The following MLLT10 variants were observed in gnomAD, a reference collection of about 807,000 sequenced individuals.
MLLT10 encodes MLLT10 histone lysine methyltransferase DOT1L cofactor.
A neutral mutation model predicts 129.1 loss-of-function variants in MLLT10; 30 were observed. That is an observed-to-expected ratio of 0.23 (90% confidence interval 0.17 to 0.32). The LOEUF is 0.32. MLLT10 is among the 10% of genes least tolerant of loss of function. The pLI, the probability that MLLT10 is intolerant of heterozygous loss-of-function variation, is 1.00. For synonymous variants in MLLT10, 490 were observed against 446.4 expected, an observed-to-expected ratio of 1.10 and a Z score of -1.23; for missense variants, 1,119 against 1,268.3, an observed-to-expected ratio of 0.88 and a Z score of 1.79.
chr10:21,732,248 T>G (rs972008327), intron 17 of MLLT10, among the ~76,000 whole-genome samples: 2 of 152,096 alleles, frequency 1.3e-5, no homozygotes, highest in Non-Finnish European at 2.9e-5. Flanking sequence ...GAGGTCCAAG[T>G]TGTGGAAGGA....
At chr10:21,545,094 G>A (rs749980115) in intron 3 of MLLT10, among the ~76,000 whole-genome samples, 2 of 152,068 alleles carry the variant, frequency 1.3e-5, no homozygotes, top group African/African-American at 2.4e-5. Flanking sequence ...GTGGTGAGCC[G>A]AGATCGCGCT....
At chr10:21,598,826 A>C (rs1183490736) in intron 5 of MLLT10, among the ~76,000 whole-genome samples, 2 of 151,678 alleles carry the variant, frequency 1.3e-5, no homozygotes, top group South Asian at 2.1e-4. Flanking sequence ...GAGAGGGTGC[A>C]GTGAGCCAAG....
chr10:21,704,634 T>C (rs1159395364), intron 13 of MLLT10, among the ~76,000 whole-genome samples: 3 of 151,306 alleles, frequency 2.0e-5, no homozygotes, highest in Non-Finnish European at 4.4e-5. Context: ...TTTGGCTTTT[T>C]AATGTTTCCT....
In MLLT10 at chr10:21,534,266, A is replaced by C. The variant is rs1055275905; in HGVS notation, c.-255A>C. ...AAGTGACGCTCCGAGGAGGAAGCGC[A>C]GCCCCCTTCCCCTCCCTCGCTGCCC... On this transcript the variant is annotated 5_prime_UTR_variant, in exon 1 of 23. Transcript: ENST00000307729. 1.5e-5 allele frequency: 6 copies of C among 389,594 alleles called. No individual in the cohort carries two copies. The highest frequency in any genetic ancestry group is 1.4e-4 in the Admixed American group (3 of 21,072). The allele number at this position is 389,594 out of a possible 1,614,324, so 24.1% of individuals were successfully genotyped here.
At chr10:21,643,868 C>T (rs1726811364) in intron 8 of MLLT10, among the ~76,000 whole-genome samples, 1 of 152,082 alleles carries the variant, frequency 6.6e-6, no homozygotes, top group South Asian at 2.1e-4. Context: ...TTCAGGGATA[C>T]ACGTTATCTT....
chr10:21,643,827 C>G (rs553226750), intron 8 of MLLT10, among the ~76,000 whole-genome samples: 1 of 152,126 alleles, frequency 6.6e-6, no homozygotes, highest in South Asian at 2.1e-4. Flanking sequence ...TTTGAATATA[C>G]CTTCTGTTCC....
At chr10:21,583,109 G>T (rs2041640912) in intron 3 of MLLT10, among the ~76,000 whole-genome samples, 2 of 152,166 alleles carry the variant, frequency 1.3e-5, no homozygotes, top group Non-Finnish European at 2.9e-5. Flanking sequence ...GCTGGAGGTT[G>T]CAGTGAGCCG....
At position 21,595,726 on chromosome 10, in the gene MLLT10, C is replaced by T. The variant is rs187067517; in HGVS notation, c.405+286C>T. ...AGATTGGTGCTTTATGAATTACTGA[C>T]CTCTTTTGCGCTTTCAAGTATCAAG... is the stretch of plus-strand genomic sequence containing the variant. On this transcript the variant is annotated intron_variant, in intron 5 of 22. Transcript: ENST00000307729. 327 of 276,122 alleles carry T rather than the reference C, an allele frequency of 1.2e-3. 2 individuals are homozygous for T. In the East Asian group the frequency reaches 0.013, roughly 11 times the overall value. The allele number at this position is 276,122 out of a possible 1,614,324, so 17.1% of individuals were successfully genotyped here. A position where few individuals can be genotyped will look rare whatever the true frequency, so the allele number is the denominator to read the frequency against.
rs913465398 is a variant in MLLT10, at chr10:21,619,157, C to A, written c.699+1950C>A. Among the ~76,000 whole-genome samples the A allele has an allele frequency of 2.0e-4, 31 of 151,868 alleles. 1 individual carries two copies. The highest frequency in any genetic ancestry group is 7.0e-4 in the African/African-American group (29 of 41,320). ...GTTATAAAGTGACGGTAGTAGGAGC[C>A]TGTCTTGTTTATTGTTGATTAGATT... On this transcript the variant is annotated intron_variant, in intron 8 of 22. Transcript: ENST00000307729.
At chr10:21,709,823 A>T (rs1436086512) in intron 13 of MLLT10, among the ~76,000 whole-genome samples, 5 of 151,750 alleles carry the variant, frequency 3.3e-5, no homozygotes, top group Non-Finnish European at 5.9e-5. Flanking sequence ...GCTCAATCTC[A>T]ACCTCCCAGG....
rs529826847 is a variant in MLLT10 at position 21,670,478 on chromosome 10, A to T, written c.825A>T (p.Ile275=). Residue 275 remains isoleucine (I), a synonymous_variant, in exon 10 of 23, where the codon ATA becomes ATT. Transcript: ENST00000307729. ...KTYTSTSNNS[I]SGSLKRLEDT... is the part of the protein sequence containing the mutation. Reference sequence around the variant, plus strand: ...ATACAAGCACTAGCAACAACTCTATATCTGGATCATTGAAGCGCTTGGAAG... The same window carrying T: ...ATACAAGCACTAGCAACAACTCTATTTCTGGATCATTGAAGCGCTTGGAAG... The T allele has an allele frequency of 5.0e-6, 8 of 1,614,010 alleles. No individual in the cohort carries two copies. Among genetic ancestry groups the T allele is most frequent in the Non-Finnish European group, 6.8e-6 (8 of 1,179,946 alleles).
At chr10:21,556,423 T>C (rs1266841562) in intron 3 of MLLT10, among the ~76,000 whole-genome samples, 1 of 152,178 alleles carries the variant, frequency 6.6e-6, no homozygotes, top group African/African-American at 2.4e-5. Context: ...ACAAACCTGG[T>C]TACCAATATT....
At position 21,742,430 on chromosome 10, in the gene MLLT10, A is replaced by C. The variant is rs73594504; in HGVS notation, c.*447A>C. 1,774 of 220,034 alleles carry C rather than the reference A, an allele frequency of 8.1e-3. 31 individuals are homozygous for C. The highest frequency in any genetic ancestry group is 0.036 in the African/African-American group (1,597 of 44,750). 13.6% of individuals were successfully genotyped at this position (220,034 alleles called of 1,614,324 possible). A position where few individuals can be genotyped will look rare whatever the true frequency, so the allele number is the denominator to read the frequency against. ...GTTTGGGTTACAGTATGCTTGCTCT[A>C]AGTCAAATTCCAAGGAACTAATTTC... On this transcript the variant is annotated 3_prime_UTR_variant, in exon 23 of 23. Transcript: ENST00000307729.
chr10:21,655,436 C>T (rs1373729953), intron 9 of MLLT10, among the ~76,000 whole-genome samples: 2 of 152,110 alleles, frequency 1.3e-5, no homozygotes, highest in African/African-American at 2.4e-5. Flanking sequence ...GCGGATGTGG[C>T]AGTGTTCCAG....
intron 13 of MLLT10, among the ~76,000 whole-genome samples, chr10:21,694,363 G>C (rs989520942): frequency 1.3e-5 from 2 of 152,124 alleles, no homozygotes; most frequent in African/African-American, 4.8e-5. Context: ...GTTTTGGGGG[G>C]CAGGAATTTT....
chr10:21,656,185 G>T (rs1368179478), intron 9 of MLLT10, among the ~76,000 whole-genome samples: 1 of 152,012 alleles, frequency 6.6e-6, no homozygotes, highest in Non-Finnish European at 1.5e-5. Context: ...TTTGGGGAAC[G>T]GTGTCATTTT....
intron 10 of MLLT10, 49 bp from the exon 11 acceptor site, chr10:21,673,301 T>TGGGCC: frequency 5.5e-5 from 13 of 237,938 alleles, no homozygotes; most frequent in East Asian, 2.2e-4. Context: ...AATTTTTCTG[T>TGGGCC]CCCCCCCACC....
At chr10:21,607,211 T>C (rs2044144454) in intron 5 of MLLT10, among the ~76,000 whole-genome samples, 1 of 152,114 alleles carries the variant, frequency 6.6e-6, no homozygotes, top group Non-Finnish European at 1.5e-5. Context: ...TTTTCTCCTG[T>C]AAAGCTCCAT....
intron 3 of MLLT10, among the ~76,000 whole-genome samples, chr10:21,565,606 CTT>C (rs1206656247): frequency 1.0e-4 from 14 of 133,376 alleles, no homozygotes; most frequent in East Asian, 2.2e-4. Flanking sequence ...TGTGCCTGGC[CTT>C]TTTTTTTTTT....
Sources: gnomAD v4.1 joint callset for allele counts (sites outside exome capture counted in the v4.1 genomes callset) on GRCh38, gnomAD v4.1.1 for gene constraint, MANE v1.5 for transcripts, NCBI Gene and HGNC (gene_info 2026-07-23, HGNC 2026-07-21) for gene names.